MPPED1: variants seen among roughly 807,000 people sequenced by gnomAD.
MPPED1 encodes the protein metallophosphoesterase domain containing 1, also known as metallophosphoesterase domain-containing protein 1.
Under a neutral mutation model 36.2 loss-of-function variants are expected in MPPED1, and 16 were observed. The ratio of observed to expected loss-of-function variants is 0.44; its 90% confidence interval spans 0.30 to 0.67. MPPED1 has a LOEUF of 0.67. Ranked by LOEUF, MPPED1 falls within the 30% of genes least tolerant of loss-of-function variation. The pLI, the probability that MPPED1 is intolerant of heterozygous loss-of-function variation, is 0.10. For synonymous variants in MPPED1, 199 were observed against 191.3 expected, an observed-to-expected ratio of 1.04 and a Z score of -0.33; for missense variants, 307 against 453.4, an observed-to-expected ratio of 0.68 and a Z score of 2.93.
chr22:43,455,141 A>T (rs1036381357), intron 3 of MPPED1, among the ~76,000 whole-genome samples: 2 of 104,176 alleles, frequency 1.9e-5, no homozygotes, highest in African/African-American at 9.3e-5. Flanking sequence ...ACGAAGTCTT[A>T]CTCTGTCACC....
chr22:43,464,160 C>T (rs1416064823), intron 3 of MPPED1, among the ~76,000 whole-genome samples: 1 of 152,094 alleles, frequency 6.6e-6, no homozygotes, highest in Admixed American at 6.6e-5. Flanking sequence ...CAGCCTGCCT[C>T]AGCCTCCCAA....
rs139880051 is a variant in MPPED1, at chr22:43,420,727, A to G, written c.-78-4181A>G. 2.3e-3 allele frequency among the ~76,000 whole-genome samples: 343 copies of G among 152,242 alleles called. 1 individual carries two copies. Among genetic ancestry groups the G allele is most frequent in the Non-Finnish European group, 3.3e-3 (226 of 68,004 alleles). The stretch of plus-strand genomic sequence containing the variant: ...CAGATAGACCTTTCTTGATCACCCA[A>G]TTTAGTCAAACCATCACCCTGTTCT... On this transcript the variant is annotated intron_variant, in intron 1 of 6. Coordinates refer to ENST00000443721, the MANE Select transcript of MPPED1 (RefSeq NM_001044370.2).
intron 4 of MPPED1, among the ~76,000 whole-genome samples, chr22:43,490,618 C>G (rs1569086864): frequency 6.6e-6 from 1 of 152,202 alleles, no homozygotes; most frequent in Non-Finnish European, 1.5e-5. Context: ...TCTCGGGAAC[C>G]AACAGACGTG....
chr22:43,486,990 G>T, intron 4 of MPPED1, among the ~76,000 whole-genome samples: 1 of 152,164 alleles, frequency 6.6e-6, no homozygotes, highest in East Asian at 1.9e-4. Flanking sequence ...GGACTCTGAG[G>T]TGAGGCTCCT....
At chr22:43,489,738 C>G (rs924149011) in intron 4 of MPPED1, among the ~76,000 whole-genome samples, 1 of 152,112 alleles carries the variant, frequency 6.6e-6, no homozygotes, top group South Asian at 2.1e-4. Context: ...AGGCTGGTGT[C>G]GAACTCCTGA....
At chr22:43,499,643 G>A in intron 5 of MPPED1, among the ~76,000 whole-genome samples, 1 of 118,834 alleles carries the variant, frequency 8.4e-6, no homozygotes, top group Non-Finnish European at 1.8e-5. Context: ...TGGAGGTGGT[G>A]GTGGTGGTGA....
chr22:43,445,558 C>CTGT (rs1408387752), intron 3 of MPPED1, among the ~76,000 whole-genome samples: 7 of 123,908 alleles, frequency 5.6e-5, no homozygotes, highest in Non-Finnish European at 6.4e-5. Context: ...CTGATGTTTC[C>CTGT]TTTTTTTTTT....
chr22:43,464,295 G>C lies in MPPED1; in HGVS notation c.407-10441G>C, dbSNP rs1202612890. Among the ~76,000 whole-genome samples the C allele has an allele frequency of 1.9e-3, 129 of 67,734 alleles. 1 individual carries two copies. The highest frequency in any genetic ancestry group is 9.0e-3 in the African/African-American group (117 of 13,044). 44.4% of individuals were successfully genotyped at this position (67,734 alleles called of 152,430 possible). A position where few individuals can be genotyped will look rare whatever the true frequency, so the allele number is the denominator to read the frequency against. On this transcript the variant is annotated intron_variant, in intron 3 of 6. Transcript: ENST00000443721. ...TCTGAAAGCTGTTGGTCAGCTCTGTGTGTGTGTGTGTGTGTGTGTGTGTGT... is the reference window on the plus strand; with the variant it reads ...TCTGAAAGCTGTTGGTCAGCTCTGTCTGTGTGTGTGTGTGTGTGTGTGTGT...
At chr22:43,420,850 A>G (rs1321758130) in intron 1 of MPPED1, among the ~76,000 whole-genome samples, 1 of 152,198 alleles carries the variant, frequency 6.6e-6, no homozygotes, top group East Asian at 1.9e-4. Context: ...CATGTTCCTC[A>G]AGGGCAGGAG....
At chr22:43,470,415 C>G in intron 3 of MPPED1, among the ~76,000 whole-genome samples, 1 of 152,044 alleles carries the variant, frequency 6.6e-6, no homozygotes, top group East Asian at 1.9e-4. Context: ...TATCTGTAAG[C>G]CATCCATTCA....
Position 43,422,004 on chromosome 22 carries a change from G to A in MPPED1, c.-78-2904G>A, listed in dbSNP as rs370088519. ...TGCTCAGGGTCACAGAGCTGCTGGG[G>A]GCCGGAGCTGACACATGGGGTGCAC... On this transcript the variant is annotated intron_variant, in intron 1 of 6. Coordinates refer to ENST00000443721, the MANE Select transcript of MPPED1 (RefSeq NM_001044370.2). Among the ~76,000 whole-genome samples, 57 of 152,338 alleles carry A rather than the reference G, an allele frequency of 3.7e-4. No homozygotes were observed. The South Asian group carries it at 0.011, about 29-fold the overall frequency.
intron 3 of MPPED1, among the ~76,000 whole-genome samples, chr22:43,455,794 G>A (rs1930732970): frequency 6.6e-6 from 1 of 152,126 alleles, no homozygotes; most frequent in Admixed American, 6.5e-5. Flanking sequence ...CACCCCAATT[G>A]CTTGAAAGTT....
chr22:43,437,952 G>A lies in MPPED1; in HGVS notation c.406+2737G>A, dbSNP rs184671983. On this transcript the variant is annotated intron_variant, in intron 3 of 6. Transcript: ENST00000443721. Reference sequence around the variant, plus strand: ...TGTGGAGTTCCTGAGAGATGTGGACGTGTAGTCTCAGCTAGCAACCGCCCT... The same window carrying A: ...TGTGGAGTTCCTGAGAGATGTGGACATGTAGTCTCAGCTAGCAACCGCCCT... Among the ~76,000 whole-genome samples, 5 of 152,248 alleles carry A rather than the reference G, an allele frequency of 3.3e-5. No individual in the cohort carries two copies. The East Asian group carries it at 5.8e-4, about 18-fold the overall frequency.
In MPPED1 at chr22:43,502,856, GC is replaced by G. The variant is rs1372946334; in HGVS notation, c.862+102del. On this transcript the variant is annotated intron_variant, in intron 6 of 6. Transcript: ENST00000443721. This position sits in a 1 kb window ranked among gnomAD's most constrained non-coding sequence, Gnocchi z 5.5. ...CGTTCAGCCAGAAGGGAAATAAATA[GC>G]CCATTCCTACTGTTCGCTTTGTAAC... 2.0e-5 allele frequency: 20 copies of G among 1,001,398 alleles called. No homozygotes were observed. In the African/African-American group the frequency reaches 2.4e-4, roughly 12 times the overall value. The allele number at this position is 1,001,398 out of a possible 1,614,324, so 62.0% of individuals were successfully genotyped here.
chr22:43,453,328 C>T (rs866505839), intron 3 of MPPED1, among the ~76,000 whole-genome samples: 18 of 134,310 alleles, frequency 1.3e-4, no homozygotes, highest in East Asian at 3.3e-4. Context: ...CGCACCACCC[C>T]CCCTGCCCCT....
At chr22:43,489,103 A>G (rs1932005284) in intron 4 of MPPED1, among the ~76,000 whole-genome samples, 1 of 151,664 alleles carries the variant, frequency 6.6e-6, no homozygotes, top group African/African-American at 2.4e-5. Context: ...GGCCACGTGG[A>G]CTTCGGGCCT....
Position 43,507,061 on chromosome 22 carries a change from C to T in MPPED1, c.*1445C>T, listed in dbSNP as rs1185331214. The T allele has an allele frequency of 6.6e-6, 1 of 152,152 alleles. No homozygotes were observed. The highest frequency in any genetic ancestry group is 6.5e-5 in the Admixed American group (1 of 15,278). The allele number at this position is 152,152 out of a possible 1,614,324, so 9.4% of individuals were successfully genotyped here. ...CTCATTTCATCCTCAGATGGTCCTTCAAGGTAGGTACTTTAGTCCCATTTT... is the reference window on the plus strand; with the variant it reads ...CTCATTTCATCCTCAGATGGTCCTTTAAGGTAGGTACTTTAGTCCCATTTT... On this transcript the variant is annotated 3_prime_UTR_variant, in exon 7 of 7. Coordinates refer to ENST00000443721, the MANE Select transcript of MPPED1 (RefSeq NM_001044370.2).
At chr22:43,465,181 C>T (rs908577889) in intron 3 of MPPED1, among the ~76,000 whole-genome samples, 1 of 152,252 alleles carries the variant, frequency 6.6e-6, no homozygotes. Flanking sequence ...TGAGCCGACT[C>T]TCAGGCCAGG....
rs998532737 is a variant in MPPED1, at chr22:43,506,931, T to G, written c.*1315T>G. 1 of 152,198 alleles carries G rather than the reference T, an allele frequency of 6.6e-6. No homozygotes were observed. Among genetic ancestry groups the G allele is most frequent in the Non-Finnish European group, 1.5e-5 (1 of 68,034 alleles). The allele number at this position is 152,198 out of a possible 1,614,324, so 9.4% of individuals were successfully genotyped here. ...TATTATTTGTCCTGATTGGTGACTT[T>G]TTTTGCACCCCTTTCCGTTGTACAT... On this transcript the variant is annotated 3_prime_UTR_variant, in exon 7 of 7. Transcript: ENST00000443721.
Sources: gnomAD v4.1 joint callset for allele counts (sites outside exome capture counted in the v4.1 genomes callset) on GRCh38, gnomAD v4.1.1 for gene constraint, Gnocchi (gnomAD v3.1) non-coding constraint, MANE v1.5 for transcripts, NCBI Gene and HGNC (gene_info 2026-07-23, HGNC 2026-07-21) for gene names.